Variants in STIM1 observed in about 807,000 individuals in gnomAD.
The protein encoded by STIM1 is stromal interaction molecule 1.
In STIM1, 25 loss-of-function variants were observed where a neutral mutation model predicts 74.7. That is an observed-to-expected ratio of 0.33 (90% CI 0.24 to 0.47). The LOEUF (loss-of-function observed/expected upper bound fraction) is 0.47, where lower values mean the gene tolerates loss of function less well. STIM1 is among the 20% of genes least tolerant of loss of function. The probability of loss-of-function intolerance (pLI) is 1.00; values close to 1 mark genes in which losing one functional copy is unlikely to be tolerated. For synonymous variants in STIM1, 328 were observed against 348.8 expected (o/e 0.94, Z 0.66); for missense variants, 728 against 920.8 (o/e 0.79, Z 2.71).
intron 3 of STIM1, among the ~76,000 whole-genome samples, chr11:4,046,484 C>G (rs2094194865): frequency 6.6e-6 from 1 of 152,148 alleles, no homozygotes; most frequent in Non-Finnish European, 1.5e-5. Flanking sequence ...AATCTTCCCC[C>G]AAAGGCACTC....
chr11:3,930,349 CT>C (rs1333512874), intron 1 of STIM1, among the ~76,000 whole-genome samples: 2 of 152,198 alleles, frequency 1.3e-5, no homozygotes, highest in Non-Finnish European at 2.9e-5. Flanking sequence ...AAATCCAGGC[CT>C]TCTGACTTTG....
chr11:4,080,280 T>A (rs893270705), intron 7 of STIM1, among the ~76,000 whole-genome samples: 5 of 151,908 alleles, frequency 3.3e-5, no homozygotes, highest in Admixed American at 3.3e-4. Context: ...CCCCATGTGT[T>A]TACAGTATGT....
At chr11:3,861,820 A>G (rs1271832720) in intron 1 of STIM1, among the ~76,000 whole-genome samples, 2 of 152,296 alleles carry the variant, frequency 1.3e-5, no homozygotes, top group East Asian at 3.9e-4. Flanking sequence ...TCGTGTTAAG[A>G]ACAGCTCTTT....
chr11:3,927,102 A>G (rs753572170), intron 1 of STIM1, among the ~76,000 whole-genome samples: 2 of 152,240 alleles, frequency 1.3e-5, no homozygotes, highest in Non-Finnish European at 2.9e-5. Context: ...GAAGAGCTCA[A>G]TGAATGTTAA....
intron 1 of STIM1, among the ~76,000 whole-genome samples, chr11:3,918,542 AAAGAAAG>A (rs771892718): frequency 2.9e-4 from 20 of 69,884 alleles, no homozygotes; most frequent in African/African-American, 5.0e-4. Flanking sequence ...TCAAAAAAAA[AAAGAAAG>A]AAAGAAAGAA....
At chr11:3,885,531 A>G (rs963836833) in intron 1 of STIM1, among the ~76,000 whole-genome samples, 2 of 152,188 alleles carry the variant, frequency 1.3e-5, no homozygotes, top group Non-Finnish European at 2.9e-5. Flanking sequence ...GTTTAACACA[A>G]TTGTAGATAA....
At chr11:3,859,934 C>T (rs2090534728) in intron 1 of STIM1, among the ~76,000 whole-genome samples, 2 of 152,212 alleles carry the variant, frequency 1.3e-5, no homozygotes. Flanking sequence ...AAACATTGAA[C>T]AATGCCAGCT....
chr11:3,917,580 G>T (rs143666453), intron 1 of STIM1, among the ~76,000 whole-genome samples: 1,605 of 152,092 alleles, frequency 0.011, 13 homozygotes, highest in Non-Finnish European at 0.017. Flanking sequence ...GACTACAGGC[G>T]CATGCCACCA....
At chr11:3,858,573 A>G (rs934284531) in intron 1 of STIM1, among the ~76,000 whole-genome samples, 1 of 152,062 alleles carries the variant, frequency 6.6e-6, no homozygotes, top group South Asian at 2.1e-4. Flanking sequence ...TCAGTCAGGG[A>G]CTTGTTTTTG....
chr11:3,985,111 A>G (rs1417786463), intron 2 of STIM1, among the ~76,000 whole-genome samples: 1 of 152,124 alleles, frequency 6.6e-6, no homozygotes, highest in Non-Finnish European at 1.5e-5. Context: ...GCTCCCCCAG[A>G]TGGTACCCCT....
chr11:4,084,781 T>C lies in STIM1; in HGVS notation c.1567+16T>C. ...AAATACCCCGGTTTGAGGAGCCCCT[T>C]TGGGGCATTTTGTTTTTCTGACTTT... On this transcript the variant is annotated intron_variant, in intron 11 of 12. Transcript: ENST00000526596. The C allele has an allele frequency of 7.8e-7, 1 of 1,289,142 alleles. No homozygotes were observed. Among genetic ancestry groups the C allele is most frequent in the Non-Finnish European group, 1.0e-6 (1 of 988,708 alleles). 79.9% of individuals were successfully genotyped at this position (1,289,142 alleles called of 1,614,324 possible).
chr11:4,020,234 A>G (rs910408257), intron 2 of STIM1, among the ~76,000 whole-genome samples: 2 of 152,090 alleles, frequency 1.3e-5, no homozygotes, highest in Non-Finnish European at 2.9e-5. Flanking sequence ...TATCTTGGCT[A>G]TTGTGAATAG....
chr11:3,936,010 T>C (rs1355975286), intron 1 of STIM1, among the ~76,000 whole-genome samples: 1 of 152,118 alleles, frequency 6.6e-6, no homozygotes, highest in Non-Finnish European at 1.5e-5. Context: ...ATGGACTTTA[T>C]TGAGATATAA....
chr11:3,963,327 G>C (rs1329456719), intron 1 of STIM1, among the ~76,000 whole-genome samples: 1 of 152,150 alleles, frequency 6.6e-6, no homozygotes, highest in Non-Finnish European at 1.5e-5. Context: ...TTAGAAGTGA[G>C]AACATGTGGT....
rs974881597 is a variant in STIM1, at chr11:4,000,962, G to A, written c.271-22911G>A. 2.6e-5 allele frequency among the ~76,000 whole-genome samples: 4 copies of A among 152,182 alleles called. No homozygotes were observed. The South Asian group carries it at 6.2e-4, about 24-fold the overall frequency. The stretch of plus-strand genomic sequence containing the variant: ...ATGCAGAAGCCTCAGGACCCAATGC[G>A]ATCAACTGGAAGAAAGAGTATCAGT... On this transcript the variant is annotated intron_variant, in intron 2 of 12. Coordinates refer to ENST00000526596, the MANE Select transcript of STIM1 (RefSeq NM_001382567.1).
chr11:3,926,667 A>T (rs1333746621), intron 1 of STIM1, among the ~76,000 whole-genome samples: 1 of 152,196 alleles, frequency 6.6e-6, no homozygotes, highest in Non-Finnish European at 1.5e-5. Flanking sequence ...GCAAAGCCTT[A>T]CTCAGATGCT....
At chr11:3,862,404 A>G (rs141935034) in intron 1 of STIM1, among the ~76,000 whole-genome samples, 1 of 152,310 alleles carries the variant, frequency 6.6e-6, no homozygotes, top group African/African-American at 2.4e-5. Flanking sequence ...AGTGTCACTT[A>G]GAGACCCTCT....
intron 8 of STIM1, 51 bp from the exon 9 acceptor site, chr11:4,082,831 T>A: frequency 6.6e-7 from 1 of 1,519,030 alleles, no homozygotes; most frequent in Non-Finnish European, 9.1e-7. Context: ...TTCTCATTTA[T>A]TCCATTCTCG....
At chr11:3,965,930 C>A (rs2093336351) in intron 1 of STIM1, among the ~76,000 whole-genome samples, 1 of 152,160 alleles carries the variant, frequency 6.6e-6, no homozygotes, top group South Asian at 2.1e-4. Context: ...TTGCTTGAGC[C>A]CAGGGAACGA....
Sources: gnomAD v4.1 joint callset for allele counts (sites outside exome capture counted in the v4.1 genomes callset) on GRCh38, gnomAD v4.1.1 for gene constraint, MANE v1.5 for transcripts, NCBI Gene and HGNC (gene_info 2026-07-23, HGNC 2026-07-21) for gene names.